PDS5A: variants seen among roughly 807,000 people sequenced by gnomAD.
PDS5A encodes the protein sister chromatid cohesion protein PDS5 homolog A.
PDS5A carries 42 observed loss-of-function variants against 167.1 expected under a neutral mutation model. That is an observed-to-expected ratio of 0.25 (90% CI 0.20 to 0.33). The LOEUF (loss-of-function observed/expected upper bound fraction) is 0.33, where lower values mean the gene tolerates loss of function less well. Among genes scored for constraint, PDS5A ranks in the 10% least tolerant of loss-of-function variants. The pLI, the probability that PDS5A is intolerant of heterozygous loss-of-function variation, is 1.00. For synonymous variants in PDS5A, 553 were observed against 554.6 expected (o/e 1.00, Z 0.04); for missense variants, 1,033 against 1,605.9 (o/e 0.64, Z 6.10).
chr4:39,834,938 A>G (rs1417475936), intron 32 of PDS5A, among the ~76,000 whole-genome samples: 1 of 152,150 alleles, frequency 6.6e-6, no homozygotes, highest in Non-Finnish European at 1.5e-5. Context: ...GAGTACAGGC[A>G]CACAACATCA....
rs1731218902 is a variant in PDS5A, at chr4:39,977,378, CG to C, written c.-41+78del. 6.6e-6 allele frequency: 1 copy of C among 150,388 alleles called. No homozygotes were observed. The highest frequency in any genetic ancestry group is 2.4e-5 in the African/African-American group (1 of 41,206). 9.3% of individuals were successfully genotyped at this position (150,388 alleles called of 1,614,324 possible). A position where few individuals can be genotyped will look rare whatever the true frequency, so the allele number is the denominator to read the frequency against. Reference sequence around the variant, plus strand: ...GCGGCCCCACCGGGCCTCGGACCCGCGGCCCCCCCCTCCAGTCTCCCCTTCC... The same window carrying C: ...GCGGCCCCACCGGGCCTCGGACCCGCGCCCCCCCCTCCAGTCTCCCCTTCC... On this transcript the variant is annotated intron_variant, in intron 1 of 32. Coordinates refer to ENST00000303538, the MANE Select transcript of PDS5A (RefSeq NM_001100399.2). This position sits in a 1 kb window ranked among gnomAD's most constrained non-coding sequence, Gnocchi z 4.2.
At chr4:39,955,447 CA>C (rs1478208190) in intron 2 of PDS5A, among the ~76,000 whole-genome samples, 1 of 151,658 alleles carries the variant, frequency 6.6e-6, no homozygotes, top group African/African-American at 2.4e-5. Flanking sequence ...ACCAAAAATA[CA>C]AAAAATTACC....
intron 2 of PDS5A, among the ~76,000 whole-genome samples, chr4:39,970,240 G>A (rs571654435): frequency 6.6e-6 from 1 of 151,998 alleles, no homozygotes; most frequent in African/African-American, 2.4e-5. Flanking sequence ...AACCTGTCTA[G>A]ACAGAAATAA....
intron 2 of PDS5A, among the ~76,000 whole-genome samples, chr4:39,932,175 G>A (rs1726133652): frequency 6.6e-6 from 1 of 152,294 alleles, no homozygotes. Context: ...TTACAGGCAT[G>A]AGCCTCCATG....
intron 26 of PDS5A, among the ~76,000 whole-genome samples, chr4:39,859,315 C>T (rs775753309): frequency 6.6e-6 from 1 of 151,996 alleles, no homozygotes; most frequent in African/African-American, 2.4e-5. Context: ...ACTGGGTTTC[C>T]TGTCACCCAG....
intron 21 of PDS5A, among the ~76,000 whole-genome samples, chr4:39,870,403 T>C (rs1157195799): frequency 1.3e-5 from 2 of 151,868 alleles, no homozygotes; most frequent in African/African-American, 2.4e-5. Flanking sequence ...ATGGGCAACA[T>C]GGCGAAACCC....
intron 2 of PDS5A, among the ~76,000 whole-genome samples, chr4:39,954,252 T>C (rs1246389449): frequency 6.6e-6 from 1 of 151,986 alleles, no homozygotes; most frequent in Non-Finnish European, 1.5e-5. Context: ...CCCAGTTACT[T>C]AGGAGGCTGA....
chr4:39,876,778 T>C (rs1055984894), intron 19 of PDS5A, among the ~76,000 whole-genome samples: 1 of 152,232 alleles, frequency 6.6e-6, no homozygotes, highest in African/African-American at 2.4e-5. Context: ...TAAACAAACA[T>C]GTAGTTTCAG....
Position 39,977,851 on chromosome 4 carries a change from C to T in PDS5A, c.-435G>A, listed in dbSNP as rs910540943. On this transcript the variant is annotated 5_prime_UTR_variant, in exon 1 of 33. Coordinates refer to ENST00000303538, the MANE Select transcript of PDS5A (RefSeq NM_001100399.2). This position sits in a 1 kb window ranked among gnomAD's most constrained non-coding sequence, Gnocchi z 4.2. ...AGAGGCGCGCGCCCGGCCGTCCGTG[C>T]CCCGGGAGCCGGGGCCTCGCGCACA... is the stretch of plus-strand genomic sequence containing the variant. The T allele has an allele frequency of 2.7e-5, 4 of 149,790 alleles. No individual in the cohort carries two copies. The highest frequency in any genetic ancestry group is 9.7e-5 in the African/African-American group (4 of 41,202). 9.3% of individuals were successfully genotyped at this position (149,790 alleles called of 1,614,324 possible).
intron 11 of PDS5A, among the ~76,000 whole-genome samples, chr4:39,906,416 G>A (rs1008360500): frequency 1.6e-4 from 24 of 151,878 alleles, no homozygotes; most frequent in South Asian, 6.2e-4. Context: ...ACTTCCTTAC[G>A]TTGCAAACCT....
At chr4:39,899,537 T>G (rs1722698775) in intron 14 of PDS5A, among the ~76,000 whole-genome samples, 1 of 152,112 alleles carries the variant, frequency 6.6e-6, no homozygotes, top group Admixed American at 6.5e-5. Context: ...GTTTTTGCTA[T>G]CTGTTGATTT....
At chr4:39,965,785 G>A (rs1044373990) in intron 2 of PDS5A, among the ~76,000 whole-genome samples, 6 of 152,120 alleles carry the variant, frequency 3.9e-5, no homozygotes, top group Non-Finnish European at 8.8e-5. Context: ...GCTGGGGAAG[G>A]GAAAAATGAG....
At chr4:39,870,071 C>T (rs1719891675) in intron 21 of PDS5A, among the ~76,000 whole-genome samples, 1 of 151,842 alleles carries the variant, frequency 6.6e-6, no homozygotes, top group Non-Finnish European at 1.5e-5. Flanking sequence ...ATTGCGCCAC[C>T]TCACTCCAGG....
chr4:39,849,454 AAAC>A, intron 27 of PDS5A, 63 bp downstream of exon 27: 2 of 1,164,896 alleles, frequency 1.7e-6, no homozygotes, highest in Non-Finnish European at 2.4e-6. Context: ...AAAAAAAAAA[AAAC>A]CAAGTGGGAC....
chr4:39,848,804 T>C (rs368183308), intron 28 of PDS5A, 47 bp downstream of exon 28: 61 of 1,496,740 alleles, frequency 4.1e-5, no homozygotes, highest in East Asian at 3.2e-4. Context: ...GTAATTGACA[T>C]TGAAATCAGT....
chr4:39,863,370 G>A lies in PDS5A; in HGVS notation c.2732C>T (p.Pro911Leu). ...QEPCYHEIITPEQFQLCALVI... is the reference protein window; with the variant it reads ...QEPCYHEIITLEQFQLCALVI... ...AAGTGCACAGAGCTGAAACTGTTCT[G>A]GGGTAATAATTTCATGGTAACAAGG... Residue 911 changes from proline to leucine, a missense_variant, in exon 24 of 33, where the codon CCA becomes CTA. Pro to Leu is a moderately conservative substitution (Grantham distance 98). Transcript: ENST00000303538. 1.2e-6 allele frequency: 2 copies of A among 1,608,970 alleles called. No individual in the cohort carries two copies. The highest frequency in any genetic ancestry group is 8.5e-7 in the Non-Finnish European group (1 of 1,176,518).
intron 26 of PDS5A, among the ~76,000 whole-genome samples, chr4:39,850,258 C>T (rs1055263817): frequency 1.4e-5 from 2 of 138,410 alleles, no homozygotes; most frequent in Admixed American, 7.8e-5. Flanking sequence ...GGTGACAGAG[C>T]GAGACTCTCT....
intron 17 of PDS5A, among the ~76,000 whole-genome samples, chr4:39,880,800 G>A (rs989760220): frequency 2.0e-5 from 3 of 151,846 alleles, no homozygotes; most frequent in African/African-American, 7.3e-5. Context: ...TCTTTGTGTT[G>A]GGAACATTCA....
chr4:39,923,883 C>T (rs1435642182), intron 5 of PDS5A, among the ~76,000 whole-genome samples: 1 of 152,098 alleles, frequency 6.6e-6, no homozygotes, highest in African/African-American at 2.4e-5. Flanking sequence ...GCAATTATTG[C>T]TGTATCCTTG....
Sources: gnomAD v4.1 joint callset for allele counts (sites outside exome capture counted in the v4.1 genomes callset) on GRCh38, gnomAD v4.1.1 for gene constraint, Gnocchi (gnomAD v3.1) non-coding constraint, MANE v1.5 for transcripts, NCBI Gene and HGNC (gene_info 2026-07-23, HGNC 2026-07-21) for gene names.